The following NREP variants were observed in gnomAD, a reference collection of about 807,000 sequenced individuals.
The protein encoded by NREP is neuronal regeneration-related protein.
Under a neutral mutation model 8.6 loss-of-function variants are expected in NREP, and 5 were observed. That is an observed-to-expected ratio of 0.58 (90% confidence interval 0.30 to 1.22). The LOEUF is 1.22. NREP is among the 50% of genes most tolerant of loss of function. The pLI is 0.07. For synonymous variants in NREP, 27 were observed against 28.0 expected (o/e 0.96, Z 0.11); for missense variants, 86 against 82.5 (o/e 1.04, Z -0.17).
chr5:111,781,932 A>G (rs1224895914), intron 2 of NREP, among the ~76,000 whole-genome samples: 3 of 152,150 alleles, frequency 2.0e-5, no homozygotes, highest in African/African-American at 7.2e-5. Flanking sequence ...CTATTTACTA[A>G]CCATGTGATT....
chr5:111,848,085 G>A (rs1753224759), intron 2 of NREP, among the ~76,000 whole-genome samples: 1 of 152,158 alleles, frequency 6.6e-6, no homozygotes, highest in Admixed American at 6.6e-5. Context: ...CTCCATTGAA[G>A]AGAACAGTAC....
chr5:111,755,021 AT>A lies in NREP; in HGVS notation c.3+748del, dbSNP rs200243294. On this transcript the variant is annotated intron_variant, in intron 2 of 3. Transcript: ENST00000257435. The stretch of plus-strand genomic sequence containing the variant: ...TAAAAAGTTTTATGATATTTCTATT[AT>A]TTTTTTTAGTTCATCTTATTTCCAA... Among the ~76,000 whole-genome samples the A allele has an allele frequency of 4.1e-3, 625 of 152,088 alleles. 7 individuals are homozygous for A. Among genetic ancestry groups the A allele is most frequent in the African/African-American group, 0.015 (606 of 41,504 alleles).
At chr5:111,778,804 A>G (rs1206371904) in intron 2 of NREP, among the ~76,000 whole-genome samples, 5 of 152,208 alleles carry the variant, frequency 3.3e-5, no homozygotes, top group African/African-American at 9.6e-5. Context: ...AAAATTCACT[A>G]TACAGAGGTT....
At chr5:111,791,413 T>G (rs914002775) in intron 2 of NREP, among the ~76,000 whole-genome samples, 13 of 152,178 alleles carry the variant, frequency 8.5e-5, no homozygotes, top group African/African-American at 3.1e-4. Context: ...TCCGCTTCTG[T>G]AAGTCTGATT....
upstream of NREP, among the ~76,000 whole-genome samples, chr5:111,761,722 C>T (rs1215903911): frequency 6.6e-6 from 1 of 152,196 alleles, no homozygotes; most frequent in African/African-American, 2.4e-5. Context: ...CCCTCCCATA[C>T]AGCCTGCTAG....
intron 2 of NREP, among the ~76,000 whole-genome samples, chr5:111,972,086 G>C (rs1447458079): frequency 6.6e-6 from 1 of 152,084 alleles, no homozygotes; most frequent in Non-Finnish European, 1.5e-5. Context: ...GATCTGAATA[G>C]ACACTTCTCA....
At chr5:111,827,614 G>A (rs1365478589) in intron 2 of NREP, among the ~76,000 whole-genome samples, 1 of 152,212 alleles carries the variant, frequency 6.6e-6, no homozygotes, top group Admixed American at 6.5e-5. Flanking sequence ...GGCTGTGGTG[G>A]GTGGATCACT....
chr5:111,863,406 G>T (rs2112484584), intron 2 of NREP, among the ~76,000 whole-genome samples: 1 of 152,232 alleles, frequency 6.6e-6, no homozygotes, highest in Middle Eastern at 3.4e-3. Context: ...TGAGTAGTTG[G>T]ATACACAGAT....
At chr5:111,728,920 G>GAAAGAATACCACAGAGTGGGTCGT (rs1412906272), downstream of NREP, 1 of 81,636 alleles carries the variant, frequency 1.2e-5, no homozygotes, top group Non-Finnish European at 2.2e-5. Context: ...CAGGGAAAAA[G>GAAAGAATACCACAGAGTGGGTCGT]AAAGAATACC....
chr5:111,830,373 C>A (rs2112934739), intron 2 of NREP, among the ~76,000 whole-genome samples: 1 of 152,310 alleles, frequency 6.6e-6, no homozygotes, highest in African/African-American at 2.4e-5. Context: ...CAAAAGGTGC[C>A]ACTGGAAGAG....
chr5:111,783,793 TAG>T (rs1394348885), intron 2 of NREP, among the ~76,000 whole-genome samples: 1 of 152,178 alleles, frequency 6.6e-6, no homozygotes, highest in Non-Finnish European at 1.5e-5. Context: ...TGCCTTTAGA[TAG>T]AGACTCTGTC....
intron 2 of NREP, among the ~76,000 whole-genome samples, chr5:111,838,388 A>G (rs547504157): frequency 6.6e-6 from 1 of 152,166 alleles, no homozygotes; most frequent in South Asian, 2.1e-4. Context: ...TTATGTGTCA[A>G]CTTGACTAGG....
rs142889067 is a variant in NREP at position 111,818,339 on chromosome 5, T to G, written c.136-82832A>C. Among the ~76,000 whole-genome samples the G allele has an allele frequency of 1.6e-3, 243 of 152,270 alleles. 1 individual carries two copies. Among genetic ancestry groups the G allele is most frequent in the African/African-American group, 5.5e-3 (228 of 41,572 alleles). On this transcript the variant is annotated intron_variant, in intron 2 of 3. Coordinates refer to the NREP transcript ENST00000395634. ...AGCAACTTCCTTACAAAAAGAAACT[T>G]TAAAAAATACATTCTTCAGAAAAAT... is the stretch of plus-strand genomic sequence containing the variant.
At chr5:111,797,038 G>T (rs1007487426) in intron 2 of NREP, among the ~76,000 whole-genome samples, 6 of 151,636 alleles carry the variant, frequency 4.0e-5, no homozygotes, top group Admixed American at 1.3e-4. Context: ...AAAGAGACAA[G>T]AAAACGCAAG....
At chr5:111,961,170 C>A (rs919360688) in intron 2 of NREP, among the ~76,000 whole-genome samples, 1 of 152,166 alleles carries the variant, frequency 6.6e-6, no homozygotes, top group African/African-American at 2.4e-5. Flanking sequence ...TAGGCCAGAA[C>A]GAAGGTTCCC....
intron 2 of NREP, among the ~76,000 whole-genome samples, chr5:111,776,119 C>G (rs1217466747): frequency 6.6e-6 from 1 of 152,150 alleles, no homozygotes; most frequent in African/African-American, 2.4e-5. Context: ...AGTTGAAACA[C>G]TTTGGAGAGC....
chr5:111,838,738 T>C (rs1427035598), intron 2 of NREP, among the ~76,000 whole-genome samples: 1 of 152,070 alleles, frequency 6.6e-6, no homozygotes, highest in Non-Finnish European at 1.5e-5. Context: ...TGTATGCATA[T>C]ATAAATTTAT....
chr5:111,862,715 A>T (rs1157250548), intron 2 of NREP, among the ~76,000 whole-genome samples: 1 of 152,068 alleles, frequency 6.6e-6, no homozygotes, highest in Non-Finnish European at 1.5e-5. Flanking sequence ...AGTGAACATG[A>T]CAGACAGGAC....
intron 2 of NREP, among the ~76,000 whole-genome samples, chr5:111,885,203 C>G (rs932309813): frequency 6.6e-6 from 1 of 151,558 alleles, no homozygotes; most frequent in Non-Finnish European, 1.5e-5. Flanking sequence ...AGAGCCAAAT[C>G]ATGAGTGAAC....
Sources: allele counts gnomAD v4.1 joint callset (sites outside exome capture counted in the v4.1 genomes callset), GRCh38; gene constraint gnomAD v4.1.1; transcripts MANE v1.5; gene names NCBI Gene and HGNC (gene_info 2026-07-23, HGNC 2026-07-21).